DNM3: variants seen among roughly 807,000 people sequenced by gnomAD.
DNM3 encodes the protein dynamin 3, also known as dynamin-3.
In DNM3, 47 loss-of-function variants were observed where a neutral mutation model predicts 101.6. The ratio of observed to expected loss-of-function variants is 0.46; its 90% CI spans 0.37 to 0.59. The LOEUF is 0.59. Among genes scored for constraint, DNM3 ranks in the 20% least tolerant of loss-of-function variants. DNM3 has a pLI of 0.00. For synonymous variants in DNM3, 385 were observed against 387.9 expected (o/e 0.99, Z 0.09); for missense variants, 849 against 1,085.7 (o/e 0.78, Z 3.06).
At chr1:171,899,770 C>T (rs890327591) in intron 1 of DNM3, among the ~76,000 whole-genome samples, 1 of 152,122 alleles carries the variant, frequency 6.6e-6, no homozygotes, top group Non-Finnish European at 1.5e-5. Context: ...GGTTGACAGT[C>T]TGGTTGGGAA....
chr1:172,202,857 G>A (rs915002916), intron 14 of DNM3, among the ~76,000 whole-genome samples: 3 of 152,182 alleles, frequency 2.0e-5, no homozygotes, highest in African/African-American at 7.2e-5. Flanking sequence ...CTTGAGAAAA[G>A]GTTGACTGAG....
At chr1:172,192,047 G>A (rs1014871662) in intron 14 of DNM3, among the ~76,000 whole-genome samples, 1 of 152,122 alleles carries the variant, frequency 6.6e-6, no homozygotes, top group Non-Finnish European at 1.5e-5. Flanking sequence ...TACGAGTGGT[G>A]AGAGAGGGCA....
At chr1:171,894,200 C>T (rs6425471) in intron 1 of DNM3, among the ~76,000 whole-genome samples, 86,721 of 151,146 alleles carry the variant, frequency 0.57, 24,931 homozygotes, top group East Asian at 0.68. Flanking sequence ...TCAAGTGACC[C>T]GCCCACCTTG....
At chr1:172,056,721 G>A (rs1178958427) in intron 10 of DNM3, among the ~76,000 whole-genome samples, 1 of 151,960 alleles carries the variant, frequency 6.6e-6, no homozygotes, top group Non-Finnish European at 1.5e-5. Context: ...ACCAAAAGTA[G>A]ATAAAACCAC....
At chr1:172,287,805 G>GCACACACA (rs3078985) in intron 15 of DNM3, among the ~76,000 whole-genome samples, 8 of 144,136 alleles carry the variant, frequency 5.6e-5, no homozygotes, top group African/African-American at 1.5e-4. Context: ...ATATACACAT[G>GCACACACA]CACACACACA....
At chr1:172,004,212 T>C (rs2046531228) in intron 4 of DNM3, among the ~76,000 whole-genome samples, 1 of 152,056 alleles carries the variant, frequency 6.6e-6, no homozygotes, top group Admixed American at 6.6e-5. Flanking sequence ...GATTGAAGAA[T>C]AGCAATGTGT....
chr1:172,038,251 T>C, intron 6 of DNM3, 68 bp from the exon 7 acceptor site: 1 of 1,568,628 alleles, frequency 6.4e-7, no homozygotes. Context: ...CTTTGTCTCA[T>C]GAGTTAATCT....
intron 1 of DNM3, among the ~76,000 whole-genome samples, chr1:171,911,072 T>C (rs982281006): frequency 2.0e-5 from 3 of 152,222 alleles, no homozygotes; most frequent in Admixed American, 2.0e-4. Flanking sequence ...CGTGGGGGAA[T>C]CATGGATGTG....
chr1:172,253,526 T>A, intron 14 of DNM3, 47 bp from the exon 15 acceptor site: 3 of 1,127,958 alleles, frequency 2.7e-6, no homozygotes, highest in Non-Finnish European at 1.2e-6. Flanking sequence ...TCTCCTCTCC[T>A]CTCCTCTCCT....
intron 15 of DNM3, among the ~76,000 whole-genome samples, chr1:172,292,147 A>G (rs2063945208): frequency 6.6e-6 from 1 of 152,142 alleles, no homozygotes; most frequent in Admixed American, 6.6e-5. Context: ...TATTTTTCTT[A>G]TATATTTACC....
intron 4 of DNM3, among the ~76,000 whole-genome samples, chr1:172,001,678 G>A (rs1400775604): frequency 6.6e-6 from 1 of 151,944 alleles, no homozygotes; most frequent in Non-Finnish European, 1.5e-5. Flanking sequence ...CATCCCAAGA[G>A]GAATGTGAGA....
At chr1:171,924,888 T>G (rs553185638) in intron 2 of DNM3, among the ~76,000 whole-genome samples, 214 of 150,000 alleles carry the variant, frequency 1.4e-3, no homozygotes, top group African/African-American at 5.0e-3. Flanking sequence ...GTTCCTGTCC[T>G]TTGCCCACTT....
intron 1 of DNM3, among the ~76,000 whole-genome samples, chr1:171,912,526 A>G (rs2039392786): frequency 6.6e-6 from 1 of 152,066 alleles, no homozygotes; most frequent in South Asian, 2.1e-4. Flanking sequence ...TTCTTTTCTG[A>G]TCTTCCATCT....
At chr1:171,858,769 TCTTC>T (rs1240534814) in intron 1 of DNM3, among the ~76,000 whole-genome samples, 1 of 152,118 alleles carries the variant, frequency 6.6e-6, no homozygotes, top group Admixed American at 6.6e-5. Flanking sequence ...ATGCAGTGTG[TCTTC>T]CTTCCCCATC....
chr1:172,218,536 C>T (rs1369829716), intron 14 of DNM3, among the ~76,000 whole-genome samples: 2 of 151,910 alleles, frequency 1.3e-5, no homozygotes, highest in Non-Finnish European at 2.9e-5. Context: ...CAATATTTAT[C>T]CCACTTAAGT....
intron 2 of DNM3, among the ~76,000 whole-genome samples, chr1:171,933,160 G>C (rs2125376088): frequency 6.6e-6 from 1 of 152,272 alleles, no homozygotes; most frequent in Middle Eastern, 3.4e-3. Context: ...GCTGGTGTCA[G>C]CTGAAAACTG....
chr1:171,850,858 A>G (rs1343185206), intron 1 of DNM3, among the ~76,000 whole-genome samples: 2 of 151,178 alleles, frequency 1.3e-5, no homozygotes, highest in African/African-American at 2.4e-5. Flanking sequence ...GGGAGATGAG[A>G]AGGAGGAAGC....
intron 13 of DNM3, among the ~76,000 whole-genome samples, chr1:172,099,696 G>A (rs980365226): frequency 6.6e-6 from 1 of 152,186 alleles, no homozygotes; most frequent in Non-Finnish European, 1.5e-5. Context: ...GAAATTATGA[G>A]GTGGGAGGTT....
intron 14 of DNM3, among the ~76,000 whole-genome samples, chr1:172,184,140 T>C (rs1274260249): frequency 6.6e-6 from 1 of 152,064 alleles, no homozygotes; most frequent in Non-Finnish European, 1.5e-5. Flanking sequence ...ATTAGGTTTA[T>C]TGTTGCAATG....
Sources: gnomAD v4.1 joint callset for allele counts (sites outside exome capture counted in the v4.1 genomes callset) on GRCh38, gnomAD v4.1.1 for gene constraint, MANE v1.5 for transcripts, NCBI Gene and HGNC (gene_info 2026-07-23, HGNC 2026-07-21) for gene names.